Variants in COMMD1 observed in about 807,000 individuals in gnomAD.
The protein encoded by COMMD1 is copper metabolism domain containing 1, also known as COMM domain-containing protein 1.
In COMMD1, 10 loss-of-function variants were observed where a neutral mutation model predicts 17.2. That is an observed-to-expected ratio of 0.58 (90% CI 0.36 to 0.99). The LOEUF (loss-of-function observed/expected upper bound fraction) is 0.99. Among genes scored for constraint, COMMD1 ranks in the 50% least tolerant of loss-of-function variants. The pLI, the probability that COMMD1 is intolerant of heterozygous loss-of-function variation, is 0.01. For missense variants in COMMD1, 270 were observed against 231.8 expected, an observed-to-expected ratio of 1.17 and a Z score of -1.07; for synonymous variants, 97 against 91.6, an observed-to-expected ratio of 1.06 and a Z score of -0.34.
At chr2:61,926,932 A>T (rs1235654616) in intron 1 of COMMD1, among the ~76,000 whole-genome samples, 8 of 152,112 alleles carry the variant, frequency 5.3e-5, no homozygotes, top group African/African-American at 1.9e-4. Context: ...ATAAACCTCT[A>T]ATCTATTGAG....
intron 1 of COMMD1, among the ~76,000 whole-genome samples, chr2:61,952,960 A>G (rs894159804): frequency 6.6e-6 from 1 of 152,236 alleles, no homozygotes; most frequent in Admixed American, 6.5e-5. Flanking sequence ...CTAACAGTTC[A>G]TAATAGTTTC....
intron 2 of COMMD1, among the ~76,000 whole-genome samples, chr2:62,075,475 A>ATC (rs946982338): frequency 6.6e-5 from 10 of 152,332 alleles, no homozygotes; most frequent in African/African-American, 2.4e-4. Context: ...TTAAAAGCCC[A>ATC]TCTATAATGT....
intron 1 of COMMD1, among the ~76,000 whole-genome samples, chr2:61,992,627 G>C (rs536626661): frequency 6.6e-6 from 1 of 152,160 alleles, no homozygotes; most frequent in Non-Finnish European, 1.5e-5. Context: ...GCCAACTCCC[G>C]TTTCTTGGGT....
intron 1 of COMMD1, among the ~76,000 whole-genome samples, chr2:61,917,766 C>G (rs923369594): frequency 2.6e-5 from 4 of 152,176 alleles, no homozygotes; most frequent in Non-Finnish European, 4.4e-5. Flanking sequence ...TTCCACTCCT[C>G]GTGATCCGCC....
intron 1 of COMMD1, among the ~76,000 whole-genome samples, chr2:61,959,135 A>G (rs1010828812): frequency 1.3e-5 from 2 of 152,018 alleles, no homozygotes; most frequent in Admixed American, 1.3e-4. Context: ...TTGTTTTATT[A>G]CTGTTTACGA....
At chr2:62,008,679 G>C (rs184458455) in intron 2 of COMMD1, among the ~76,000 whole-genome samples, 1 of 152,290 alleles carries the variant, frequency 6.6e-6, no homozygotes, top group African/African-American at 2.4e-5. Context: ...AGTGAAACTA[G>C]TTTTCTGATA....
intron 1 of COMMD1, among the ~76,000 whole-genome samples, chr2:61,909,270 A>G (rs35824221): frequency 0.31 from 47,715 of 152,074 alleles, 7,609 homozygotes; most frequent in South Asian, 0.34. Flanking sequence ...TAGAACCTCT[A>G]TCTGCAGTAA....
At chr2:62,106,730 G>C (rs977361502) in intron 2 of COMMD1, among the ~76,000 whole-genome samples, 4 of 152,182 alleles carry the variant, frequency 2.6e-5, no homozygotes, top group African/African-American at 4.8e-5. Flanking sequence ...ATTTGAGTTA[G>C]GGTAGTAATT....
intron 2 of COMMD1, among the ~76,000 whole-genome samples, chr2:62,095,873 A>G (rs941592924): frequency 2.1e-5 from 3 of 143,840 alleles, no homozygotes; most frequent in Non-Finnish European, 4.5e-5. Context: ...GTGTGTATAT[A>G]TACACATACA....
chr2:62,106,820 G>A (rs975018853), intron 2 of COMMD1, among the ~76,000 whole-genome samples: 2 of 152,198 alleles, frequency 1.3e-5, no homozygotes, highest in African/African-American at 4.8e-5. Context: ...AGACTGTGTG[G>A]AAAGTGCACA....
chr2:62,029,654 T>G (rs1669861202), intron 2 of COMMD1, among the ~76,000 whole-genome samples: 1 of 152,210 alleles, frequency 6.6e-6, no homozygotes, highest in Non-Finnish European at 1.5e-5. Context: ...GAAAAGAAAA[T>G]TAGAGTTTCC....
intron 2 of COMMD1, chr2:62,090,807 A>G (rs1458313886): frequency 3.3e-5 from 5 of 152,350 alleles, no homozygotes; most frequent in African/African-American, 4.8e-5. Flanking sequence ...ACAATCTGAA[A>G]GGGAGATGGG....
At chr2:61,930,090 A>G (rs1350414597) in intron 1 of COMMD1, among the ~76,000 whole-genome samples, 1 of 152,132 alleles carries the variant, frequency 6.6e-6, no homozygotes, top group African/African-American at 2.4e-5. Flanking sequence ...GGTGACTGCT[A>G]TTGAGGTTCA....
chr2:62,072,549 G>T lies in COMMD1; in HGVS notation c.463-63282G>T, dbSNP rs187690438. 2.8e-4 allele frequency among the ~76,000 whole-genome samples: 42 copies of T among 152,286 alleles called. No homozygotes were observed. In the East Asian group the frequency reaches 7.5e-3, roughly 27 times the overall value. Reference sequence around the variant, plus strand: ...ATAACCTGATTCTTCTTGGACACGGGACAAGAACCTGGGACGTGCCGAAGG... The same window carrying T: ...ATAACCTGATTCTTCTTGGACACGGTACAAGAACCTGGGACGTGCCGAAGG... On this transcript the variant is annotated intron_variant, in intron 2 of 2. Coordinates refer to ENST00000311832, the MANE Select transcript of COMMD1 (RefSeq NM_152516.4).
intron 1 of COMMD1, among the ~76,000 whole-genome samples, chr2:61,893,300 CAG>C (rs1237229539): frequency 6.6e-6 from 1 of 151,776 alleles, no homozygotes; most frequent in Non-Finnish European, 1.5e-5. Context: ...CTAACCTTCC[CAG>C]TTAAAATATT....
intron 1 of COMMD1, among the ~76,000 whole-genome samples, chr2:61,975,118 C>CTTTTTTTTTTTTT: frequency 8.1e-4 from 65 of 80,140 alleles, no homozygotes; most frequent in African/African-American, 1.4e-3. Flanking sequence ...TCATTTCTTT[C>CTTTTTTTTTTTTT]TTTTTTTTTT....
intron 2 of COMMD1, among the ~76,000 whole-genome samples, chr2:62,109,680 C>T (rs1012654920): frequency 1.3e-5 from 2 of 152,066 alleles, no homozygotes; most frequent in Non-Finnish European, 2.9e-5. Flanking sequence ...TAATTTTATA[C>T]GTCTGGGTCT....
chr2:62,022,913 C>T (rs1181117225), intron 2 of COMMD1, among the ~76,000 whole-genome samples: 1 of 152,126 alleles, frequency 6.6e-6, no homozygotes, highest in East Asian at 1.9e-4. Flanking sequence ...ACTTCATGGA[C>T]ACCATTTATA....
intron 1 of COMMD1, among the ~76,000 whole-genome samples, chr2:61,891,646 T>A (rs1572935403): frequency 6.6e-6 from 1 of 151,856 alleles, no homozygotes; most frequent in East Asian, 2.0e-4. Flanking sequence ...GAGAATCACT[T>A]GAACTCGGGA....
Sources: gnomAD v4.1 joint callset for allele counts (sites outside exome capture counted in the v4.1 genomes callset) on GRCh38, gnomAD v4.1.1 for gene constraint, MANE v1.5 for transcripts, NCBI Gene and HGNC (gene_info 2026-07-23, HGNC 2026-07-21) for gene names.